MAPK6: variants seen among roughly 807,000 people sequenced by gnomAD.
The protein encoded by MAPK6 is mitogen-activated protein kinase 6, also known as ERK-3.
MAPK6 carries 19 observed loss-of-function variants against 59.3 expected under a neutral mutation model. That is an observed-to-expected ratio of 0.32 (90% CI 0.22 to 0.47). MAPK6 has a LOEUF of 0.47. Ranked by LOEUF, MAPK6 falls within the 20% of genes least tolerant of loss-of-function variation. The pLI is 1.00. For synonymous variants in MAPK6, 316 were observed against 290.3 expected (o/e 1.09, Z -0.90); for missense variants, 724 against 847.9 (o/e 0.85, Z 1.81).
chr15:52,029,102 A>G (rs888591587), intron 1 of MAPK6, among the ~76,000 whole-genome samples: 3 of 152,200 alleles, frequency 2.0e-5, no homozygotes, highest in Non-Finnish European at 4.4e-5. Context: ...CAGTGGCGCA[A>G]TATTGGCTCA....
At chr15:52,032,587 G>A (rs1253226282) in intron 1 of MAPK6, among the ~76,000 whole-genome samples, 1 of 151,930 alleles carries the variant, frequency 6.6e-6, no homozygotes, top group Non-Finnish European at 1.5e-5. Flanking sequence ...AGTTACATTT[G>A]GTGTATTTTT....
chr15:52,062,860 T>C (rs1044813656), intron 5 of MAPK6, among the ~76,000 whole-genome samples: 7 of 148,510 alleles, frequency 4.7e-5, no homozygotes, highest in African/African-American at 1.6e-4. Flanking sequence ...ATTTTGATGC[T>C]TCAGAGTAGG....
At chr15:51,990,823 G>A (rs1044790782) in intron 2 of MAPK6, among the ~76,000 whole-genome samples, 25 of 152,166 alleles carry the variant, frequency 1.6e-4, no homozygotes, top group Admixed American at 1.4e-3. Context: ...GCATGGTGGC[G>A]GGCGCCTGTA....
chr15:52,042,952 C>T lies in MAPK6; in HGVS notation c.-631-2878C>T, dbSNP rs370683852. The T allele has an allele frequency of 4.6e-5, 7 of 152,122 alleles. No homozygotes were observed. In the East Asian group the frequency reaches 1.2e-3, roughly 25 times the overall value. The allele number at this position is 152,122 out of a possible 1,614,324, so 9.4% of individuals were successfully genotyped here. ...CAGCCTGGGAAACATAGTGAAACCC[C>T]GTCTCTTCAAAAAATACAAAAATTA... On this transcript the variant is annotated intron_variant, in intron 1 of 5. Coordinates refer to ENST00000261845, the MANE Select transcript of MAPK6 (RefSeq NM_002748.4).
At chr15:52,016,589 T>A (rs1442205908), upstream of MAPK6, among the ~76,000 whole-genome samples, 4 of 152,188 alleles carry the variant, frequency 2.6e-5, no homozygotes, top group African/African-American at 9.7e-5. Flanking sequence ...GAATTTGCCT[T>A]CATCAGGGTA....
chr15:52,003,619 A>G (rs1171958522), intron 2 of MAPK6, among the ~76,000 whole-genome samples: 3 of 152,198 alleles, frequency 2.0e-5, no homozygotes, highest in Admixed American at 6.5e-5. Flanking sequence ...TTGACTCTCA[A>G]ATTGTTCAGG....
At chr15:52,020,762 A>T (rs776102204) in intron 1 of MAPK6, among the ~76,000 whole-genome samples, 1 of 152,250 alleles carries the variant, frequency 6.6e-6, no homozygotes, top group Non-Finnish European at 1.5e-5. Context: ...CTTTGTCTTT[A>T]GATAGTAGTT....
In MAPK6 at chr15:52,065,118, A is replaced by G. The variant is rs1349929222; in HGVS notation, c.*118A>G. ...GATGGTGTCATTTAGTAAGGATTTT[A>G]TGAGTTCTTGTTTTTTAAAATCCAG... On this transcript the variant is annotated 3_prime_UTR_variant, in exon 6 of 6. Coordinates refer to ENST00000261845, the MANE Select transcript of MAPK6 (RefSeq NM_002748.4). 4.2e-5 allele frequency: 40 copies of G among 949,790 alleles called. No homozygotes were observed. Among genetic ancestry groups the G allele is most frequent in the Admixed American group, 6.5e-5 (2 of 30,998 alleles). The allele number at this position is 949,790 out of a possible 1,614,324, so 58.8% of individuals were successfully genotyped here. A position where few individuals can be genotyped will look rare whatever the true frequency, so the allele number is the denominator to read the frequency against.
intron 2 of MAPK6, among the ~76,000 whole-genome samples, chr15:51,999,924 G>A (rs918228656): frequency 6.6e-6 from 1 of 152,082 alleles, no homozygotes; most frequent in Admixed American, 6.5e-5. Context: ...GATTACAGGC[G>A]TGAGCCACCA....
chr15:52,018,207 T>C (rs1295634922), upstream of MAPK6, among the ~76,000 whole-genome samples: 2 of 146,448 alleles, frequency 1.4e-5, no homozygotes, highest in Admixed American at 7.1e-5. Context: ...TTTGTATTTT[T>C]AGTGGAGACG....
rs374318088 is a variant in MAPK6 at position 51,983,462 on chromosome 15, A to G, written c.-770+147A>G. On this transcript the variant is annotated intron_variant, in intron 2 of 7. Coordinates refer to the MAPK6 transcript ENST00000691380. ...CCATTGCACTCCAGCCTGGGCAACAACAGCGAAACTCCGTCTCAAAACAAG... is the reference window on the plus strand; with the variant it reads ...CCATTGCACTCCAGCCTGGGCAACAGCAGCGAAACTCCGTCTCAAAACAAG... 2.7e-4 allele frequency among the ~76,000 whole-genome samples: 40 copies of G among 146,638 alleles called. 5 individuals are homozygous for G. Among genetic ancestry groups the G allele is most frequent in the Admixed American group, 1.5e-3 (22 of 14,754 alleles).
intron 2 of MAPK6, among the ~76,000 whole-genome samples, chr15:51,997,724 G>A (rs2057229082): frequency 6.7e-6 from 1 of 150,208 alleles, no homozygotes; most frequent in East Asian, 2.0e-4. Flanking sequence ...TTGAGTAGCT[G>A]GTATTACAGG....
At chr15:52,050,538 G>T (rs2031744073) in intron 3 of MAPK6, among the ~76,000 whole-genome samples, 1 of 152,156 alleles carries the variant, frequency 6.6e-6, no homozygotes. Flanking sequence ...GTTAAGTTTG[G>T]TGCTATTTAG....
At chr15:51,982,831 T>C (rs943760769) in intron 1 of MAPK6, among the ~76,000 whole-genome samples, 7 of 152,238 alleles carry the variant, frequency 4.6e-5, no homozygotes, top group African/African-American at 1.7e-4. Context: ...AAATTTTTTC[T>C]TGGGCTCCAT....
At chr15:51,977,127 C>T (rs577799047) in intron 1 of MAPK6, among the ~76,000 whole-genome samples, 2 of 150,902 alleles carry the variant, frequency 1.3e-5, no homozygotes, top group South Asian at 2.1e-4. Flanking sequence ...CTCAGCCTCC[C>T]GAGTAGCTGG....
chr15:51,986,560 T>C (rs1358724496), intron 2 of MAPK6, among the ~76,000 whole-genome samples: 1 of 152,208 alleles, frequency 6.6e-6, no homozygotes, highest in Non-Finnish European at 1.5e-5. Context: ...GTAATGCTTT[T>C]GTAATCAAAA....
intron 1 of MAPK6, among the ~76,000 whole-genome samples, chr15:52,044,884 G>A (rs1350989543): frequency 4.0e-5 from 6 of 150,224 alleles, no homozygotes; most frequent in Admixed American, 1.3e-4. Flanking sequence ...CTTAATCTCC[G>A]GGTAATCATT....
At chr15:51,974,846 T>C (rs993227586) in intron 1 of MAPK6, among the ~76,000 whole-genome samples, 5 of 150,694 alleles carry the variant, frequency 3.3e-5, no homozygotes, top group Admixed American at 1.3e-4. Context: ...GCCTCCCAAG[T>C]AGCTGGGACT....
intron 1 of MAPK6, among the ~76,000 whole-genome samples, chr15:52,022,256 A>T (rs1310532523): frequency 6.6e-6 from 1 of 152,166 alleles, no homozygotes; most frequent in African/African-American, 2.4e-5. Flanking sequence ...GTTTGTGGAC[A>T]GTAAAGTGTT....
Sources: gnomAD v4.1 joint callset for allele counts (sites outside exome capture counted in the v4.1 genomes callset) on GRCh38, gnomAD v4.1.1 for gene constraint, MANE v1.5 for transcripts, NCBI Gene and HGNC (gene_info 2026-07-23, HGNC 2026-07-21) for gene names.